LIPC: variants seen among roughly 807,000 people sequenced by gnomAD.
LIPC encodes the protein hepatic triacylglycerol lipase.
In LIPC, 44 loss-of-function variants were observed where a neutral mutation model predicts 50.7. The observed-to-expected ratio is 0.87, with a 90% CI of 0.68 to 1.11. LIPC has a LOEUF of 1.11. Among genes scored for constraint, LIPC ranks in the 50% most tolerant of loss-of-function variants. The pLI, the probability that LIPC is intolerant of heterozygous loss-of-function variation, is 0.00. For missense variants in LIPC, 697 were observed against 648.2 expected (o/e 1.08, Z -0.82); for synonymous variants, 271 against 256.4 (o/e 1.06, Z -0.54).
intron 1 of LIPC, among the ~76,000 whole-genome samples, chr15:58,478,685 AG>A (rs1225075086): frequency 1.3e-5 from 2 of 152,212 alleles, no homozygotes; most frequent in Admixed American, 6.5e-5. Context: ...CAGAGCCAAG[AG>A]TTGAACTCAT....
At chr15:58,536,832 T>G (rs1258909085) in intron 1 of LIPC, among the ~76,000 whole-genome samples, 1 of 152,228 alleles carries the variant, frequency 6.6e-6, no homozygotes, top group African/African-American at 2.4e-5. Context: ...TTGCTGAGAA[T>G]TAATAACCTT....
At chr15:58,558,517 G>T (rs189489474) in intron 6 of LIPC, among the ~76,000 whole-genome samples, 7 of 152,212 alleles carry the variant, frequency 4.6e-5, no homozygotes, top group African/African-American at 1.4e-4. Context: ...ATTAGGATCC[G>T]GGCCTCACAG....
At chr15:58,543,138 C>G (rs1268066004) in intron 4 of LIPC, among the ~76,000 whole-genome samples, 3 of 152,124 alleles carry the variant, frequency 2.0e-5, no homozygotes, top group African/African-American at 7.2e-5. Flanking sequence ...CCCCAAACTC[C>G]ATACACACTC....
chr15:58,514,268 G>A (rs144322990), intron 1 of LIPC, among the ~76,000 whole-genome samples: 8 of 152,346 alleles, frequency 5.3e-5, no homozygotes, highest in South Asian at 2.1e-4. Flanking sequence ...GATAGCAATC[G>A]CTACTTCATA....
intron 1 of LIPC, among the ~76,000 whole-genome samples, chr15:58,507,571 G>C (rs1892192321): frequency 6.6e-6 from 1 of 152,158 alleles, no homozygotes; most frequent in South Asian, 2.1e-4. Flanking sequence ...TCACTAAAGT[G>C]GTCCCTCTTA....
Position 58,432,126 on chromosome 15 carries a change from A to C in LIPC, c.88+6A>C, listed in dbSNP as rs1387886426. ...TGGACAAAGCCTGAAACCAGGTAAGAGCCTGACTTTTCTCCAGAGATGGGC... is the reference window on the plus strand; with the variant it reads ...TGGACAAAGCCTGAAACCAGGTAAGCGCCTGACTTTTCTCCAGAGATGGGC... On this transcript the variant is annotated splice_donor_region_variant and intron_variant, in intron 1 of 8. Coordinates refer to ENST00000299022, the MANE Select transcript of LIPC (RefSeq NM_000236.3). 6.2e-7 allele frequency: 1 copy of C among 1,602,578 alleles called. No individual in the cohort carries two copies. The highest frequency in any genetic ancestry group is 8.5e-7 in the Non-Finnish European group (1 of 1,169,600).
Position 58,569,004 on chromosome 15 carries a change from A to C in LIPC, c.*177A>C. The stretch of plus-strand genomic sequence containing the variant: ...TGAGCTTTTAAAAACGATATGATAT[A>C]ACTATTTTCCAGTATCAGTACAACC... On this transcript the variant is annotated 3_prime_UTR_variant, in exon 9 of 9. Coordinates refer to ENST00000299022, the MANE Select transcript of LIPC (RefSeq NM_000236.3). 2.0e-6 allele frequency: 1 copy of C among 492,340 alleles called. No homozygotes were observed. 30.5% of individuals were successfully genotyped at this position (492,340 alleles called of 1,614,324 possible).
chr15:58,470,034 G>T (rs1382444487), intron 1 of LIPC, among the ~76,000 whole-genome samples: 5 of 150,666 alleles, frequency 3.3e-5, no homozygotes, highest in African/African-American at 1.2e-4. Context: ...CCAGGCTCAA[G>T]GGATCTTCCC....
intron 1 of LIPC, among the ~76,000 whole-genome samples, chr15:58,444,766 G>A (rs1385212806): frequency 6.6e-6 from 1 of 152,176 alleles, no homozygotes; most frequent in African/African-American, 2.4e-5. Context: ...GGTACTGAGG[G>A]TTAGAACTTC....
At chr15:58,536,405 C>G (rs1029672253) in intron 1 of LIPC, among the ~76,000 whole-genome samples, 2 of 152,106 alleles carry the variant, frequency 1.3e-5, no homozygotes. Flanking sequence ...GTTTTAGACT[C>G]TTTGAGCAGC....
At chr15:58,439,444 T>G (rs1212107240) in intron 1 of LIPC, among the ~76,000 whole-genome samples, 1 of 151,930 alleles carries the variant, frequency 6.6e-6, no homozygotes, top group Non-Finnish European at 1.5e-5. Context: ...CTGCTTTTTT[T>G]GTTTGTTTGT....
chr15:58,545,190 C>G (rs1054216505), intron 4 of LIPC, among the ~76,000 whole-genome samples: 7 of 151,890 alleles, frequency 4.6e-5, no homozygotes, highest in African/African-American at 1.7e-4. Flanking sequence ...GAGAGGTACT[C>G]AAAACTGATT....
chr15:58,464,050 C>T (rs1894449460), intron 1 of LIPC, among the ~76,000 whole-genome samples: 1 of 152,028 alleles, frequency 6.6e-6, no homozygotes, highest in African/African-American at 2.4e-5. Flanking sequence ...AATAACCCCA[C>T]CTGAAAAATC....
rs16940537 is a variant in LIPC, at chr15:58,566,425, T to C, written c.1389-2291T>C. On this transcript the variant is annotated intron_variant, in intron 8 of 8. Coordinates refer to ENST00000299022, the MANE Select transcript of LIPC (RefSeq NM_000236.3). ...AATAACTTCACTCTTCAAGACTCAG[T>C]TGTTTAGTGATAAACGAGAATCATA... 2,451 of 985,086 alleles carry C rather than the reference T, an allele frequency of 2.5e-3. 48 individuals carry two copies. In the African/African-American group the frequency reaches 0.04, roughly 16 times the overall value. 61.0% of individuals were successfully genotyped at this position (985,086 alleles called of 1,614,324 possible). A position where few individuals can be genotyped will look rare whatever the true frequency, so the allele number is the denominator to read the frequency against.
chr15:58,505,264 T>C (rs1892109868), intron 1 of LIPC, among the ~76,000 whole-genome samples: 1 of 152,226 alleles, frequency 6.6e-6, no homozygotes, highest in Non-Finnish European at 1.5e-5. Flanking sequence ...CAGCCTCTGC[T>C]ACATATGGTC....
At chr15:58,474,691 G>A (rs1459580657) in intron 1 of LIPC, among the ~76,000 whole-genome samples, 1 of 152,096 alleles carries the variant, frequency 6.6e-6, no homozygotes, top group Non-Finnish European at 1.5e-5. Context: ...AGGTACGCAG[G>A]ATCCCTGAGG....
chr15:58,441,834 G>A (rs115370488), intron 1 of LIPC, among the ~76,000 whole-genome samples: 134 of 152,312 alleles, frequency 8.8e-4, no homozygotes, highest in African/African-American at 3.1e-3. Context: ...AGTCATTCCT[G>A]TTAGTCAGAA....
At chr15:58,484,130 T>C (rs1387374150) in intron 1 of LIPC, among the ~76,000 whole-genome samples, 1 of 150,798 alleles carries the variant, frequency 6.6e-6, no homozygotes, top group East Asian at 1.9e-4. Flanking sequence ...CTAACACAGG[T>C]GTGGACAGGG....
intron 1 of LIPC, chr15:58,437,011 C>A (rs182596475): frequency 5.3e-6 from 2 of 378,812 alleles, no homozygotes; most frequent in Non-Finnish European, 1.0e-5. Context: ...CAAGTGCAAA[C>A]CACTGAAGTT....
Sources: allele counts gnomAD v4.1 joint callset (sites outside exome capture counted in the v4.1 genomes callset), GRCh38; gene constraint gnomAD v4.1.1; transcripts MANE v1.5; gene names NCBI Gene and HGNC (gene_info 2026-07-23, HGNC 2026-07-21).